EPHA7: variants seen among roughly 807,000 people sequenced by gnomAD.
The protein encoded by EPHA7 is ephrin type-A receptor 7.
EPHA7 carries 25 observed loss-of-function variants against 112.6 expected under a neutral mutation model. That is an observed-to-expected ratio of 0.22 (90% CI 0.16 to 0.31). EPHA7 has a LOEUF of 0.31. Ranked by LOEUF, EPHA7 falls within the 10% of genes least tolerant of loss-of-function variation. The probability of loss-of-function intolerance (pLI) is 1.00; values close to 1 mark genes in which losing one functional copy is unlikely to be tolerated. For synonymous variants in EPHA7, 437 were observed against 406.5 expected (o/e 1.07, Z -0.90); for missense variants, 962 against 1,212.6 (o/e 0.79, Z 3.07).
At chr6:93,345,601 C>T (rs1775363489) in intron 5 of EPHA7, among the ~76,000 whole-genome samples, 1 of 151,662 alleles carries the variant, frequency 6.6e-6, no homozygotes. Context: ...TCCCAGGGTT[C>T]TTAATTGATC....
At chr6:93,414,337 A>G (rs1251539564) in intron 2 of EPHA7, among the ~76,000 whole-genome samples, 1 of 151,976 alleles carries the variant, frequency 6.6e-6, no homozygotes, top group Non-Finnish European at 1.5e-5. Flanking sequence ...TTAAAGAATT[A>G]TATACCACTG....
chr6:93,343,780 T>A (rs1468899826), intron 5 of EPHA7, among the ~76,000 whole-genome samples: 1 of 151,568 alleles, frequency 6.6e-6, no homozygotes, highest in African/African-American at 2.4e-5. Context: ...AACATCAAAG[T>A]AGGCAGGCAG....
chr6:93,292,561 G>A (rs939607270), intron 5 of EPHA7, among the ~76,000 whole-genome samples: 1 of 151,932 alleles, frequency 6.6e-6, no homozygotes, highest in African/African-American at 2.4e-5. Context: ...CCAGATAAAA[G>A]GTTATGGAGT....
At chr6:93,413,704 A>C (rs1030868244) in intron 2 of EPHA7, among the ~76,000 whole-genome samples, 2 of 151,952 alleles carry the variant, frequency 1.3e-5, no homozygotes, top group Non-Finnish European at 3.0e-5. Context: ...CTTAAAAATT[A>C]AATTTAATGA....
At chr6:93,285,023 T>C (rs6912264) in intron 5 of EPHA7, among the ~76,000 whole-genome samples, 67,797 of 151,968 alleles carry the variant, frequency 0.45, 15,975 homozygotes, top group South Asian at 0.7. Flanking sequence ...AAAAAACTTA[T>C]CATTTCAATT....
At chr6:93,260,707 A>G in intron 9 of EPHA7, 1 of 980,768 alleles carries the variant, frequency 1.0e-6, no homozygotes, top group Non-Finnish European at 1.2e-6. Flanking sequence ...TTGATTGTTT[A>G]TCCAAAATTG....
chr6:93,260,227 A>G (rs1770625161), intron 9 of EPHA7, among the ~76,000 whole-genome samples: 1 of 151,954 alleles, frequency 6.6e-6, no homozygotes, highest in Non-Finnish European at 1.5e-5. Flanking sequence ...GCTCTGGAAG[A>G]TCTTAACTGC....
intron 5 of EPHA7, among the ~76,000 whole-genome samples, chr6:93,343,999 CATAGCAAAA>C: frequency 6.6e-6 from 1 of 151,550 alleles, no homozygotes; most frequent in Non-Finnish European, 1.5e-5. Context: ...AAATACTGCA[CATAGCAAAA>C]ATAAAATTTC....
intron 1 of EPHA7, among the ~76,000 whole-genome samples, chr6:93,416,290 G>T (rs1337214661): frequency 6.6e-6 from 1 of 152,124 alleles, no homozygotes; most frequent in Non-Finnish European, 1.5e-5. Flanking sequence ...CAAGGTGGGT[G>T]GTCAGGTACT....
At chr6:93,372,342 A>G (rs535912828) in intron 3 of EPHA7, among the ~76,000 whole-genome samples, 2 of 152,086 alleles carry the variant, frequency 1.3e-5, no homozygotes, top group Non-Finnish European at 2.9e-5. Flanking sequence ...CAGAAAGGGG[A>G]GTTACAACCT....
At chr6:93,393,741 C>G (rs943868372) in intron 3 of EPHA7, among the ~76,000 whole-genome samples, 1 of 151,710 alleles carries the variant, frequency 6.6e-6, no homozygotes, top group Non-Finnish European at 1.5e-5. Context: ...ACAATTGGCC[C>G]TTTCAATTTA....
chr6:93,412,174 C>G (rs1476809519), intron 2 of EPHA7, among the ~76,000 whole-genome samples: 4 of 151,858 alleles, frequency 2.6e-5, no homozygotes, highest in Admixed American at 2.6e-4. Context: ...TTTATGATGT[C>G]TTAATAATGA....
At position 93,410,406 on chromosome 6, in the gene EPHA7, C is replaced by T. The variant is rs936913814; in HGVS notation, c.832+95G>A. 1 of 1,150,068 alleles carries T rather than the reference C, an allele frequency of 8.7e-7. No homozygotes were observed. The highest frequency in any genetic ancestry group is 1.2e-6 in the Non-Finnish European group (1 of 806,118). The allele number at this position is 1,150,068 out of a possible 1,614,324, so 71.2% of individuals were successfully genotyped here. On this transcript the variant is annotated intron_variant, in intron 3 of 16. Transcript: ENST00000369303. The surrounding 1 kb of genome is among the most constrained non-coding windows in gnomAD (Gnocchi z 4.0). Reference sequence around the variant, plus strand: ...ACTGAATTGCGCTTCTGGTACAGAGCAGATTCACGTATTCAAATAACTATT... The same window carrying T: ...ACTGAATTGCGCTTCTGGTACAGAGTAGATTCACGTATTCAAATAACTATT...
At chr6:93,299,694 T>A (rs1046472174) in intron 5 of EPHA7, among the ~76,000 whole-genome samples, 19 of 152,146 alleles carry the variant, frequency 1.2e-4, no homozygotes, top group Non-Finnish European at 2.2e-4. Context: ...TGCAGCACTA[T>A]TCACAATAGC....
In EPHA7 at chr6:93,410,925, C is replaced by T. The variant is rs1397442418; in HGVS notation, c.408G>A (p.Arg136=). Residue 136 remains arginine (R), a synonymous_variant, in exon 3 of 17, where the codon AGG becomes AGA. Coordinates refer to ENST00000369303, the MANE Select transcript of EPHA7 (RefSeq NM_004440.4). The surrounding 1 kb of genome is among the most constrained non-coding windows in gnomAD (Gnocchi z 4.0). ...TTACATAGAGGTTTTCTCTTATATT[C>T]CTGCCAGTGTCATAGTCTGTTTCAT... is the stretch of plus-strand genomic sequence containing the variant. The part of the protein sequence containing the change: ...YYYETDYDTG[R]NIRENLYVKI... 1 of 1,613,942 alleles carries T rather than the reference C, an allele frequency of 6.2e-7. No individual in the cohort carries two copies. The highest frequency in any genetic ancestry group is 1.7e-5 in the Admixed American group (1 of 59,994).
At chr6:93,409,284 C>T (rs1162818339) in intron 3 of EPHA7, among the ~76,000 whole-genome samples, 6 of 152,034 alleles carry the variant, frequency 3.9e-5, no homozygotes, top group Admixed American at 3.3e-4. Flanking sequence ...AGGGCAATAT[C>T]GTTGCCTAGG....
chr6:93,271,978 A>G (rs1007798983), intron 6 of EPHA7, among the ~76,000 whole-genome samples: 6 of 151,882 alleles, frequency 4.0e-5, no homozygotes, highest in Non-Finnish European at 8.8e-5. Context: ...TTCAAAATGC[A>G]TTGGGCTGTG....
At position 93,256,072 on chromosome 6, in the gene EPHA7, G is replaced by A. The variant is rs141591711; in HGVS notation, c.2173-35C>T. The A allele has an allele frequency of 1.4e-5, 22 of 1,589,308 alleles. No individual in the cohort carries two copies. The East Asian group carries it at 4.9e-4, about 36-fold the overall frequency. ...GACAAAAATAAAAGCCCAGTTAACTGCATACTTTAAAAGGGACAAAAATCA... is the reference window on the plus strand; with the variant it reads ...GACAAAAATAAAAGCCCAGTTAACTACATACTTTAAAAGGGACAAAAATCA... On this transcript the variant is annotated intron_variant, in intron 12 of 16. Coordinates refer to ENST00000369303, the MANE Select transcript of EPHA7 (RefSeq NM_004440.4).
chr6:93,413,301 T>A (rs1779065415), intron 2 of EPHA7, among the ~76,000 whole-genome samples: 1 of 152,068 alleles, frequency 6.6e-6, no homozygotes, highest in East Asian at 1.9e-4. Context: ...ACTGTTAAGA[T>A]ACTTTGGACT....
Sources: gnomAD v4.1 joint callset for allele counts (sites outside exome capture counted in the v4.1 genomes callset) on GRCh38, gnomAD v4.1.1 for gene constraint, Gnocchi (gnomAD v3.1) non-coding constraint, MANE v1.5 for transcripts, NCBI Gene and HGNC (gene_info 2026-07-23, HGNC 2026-07-21) for gene names.